The following FBXW10 variants were observed in gnomAD, a reference collection of about 807,000 sequenced individuals.
The protein encoded by FBXW10 is F-box/WD repeat-containing protein 10.
In FBXW10, 68 loss-of-function variants were observed where a neutral mutation model predicts 113.1. That is an observed-to-expected ratio of 0.60 (90% CI 0.49 to 0.74). The LOEUF (loss-of-function observed/expected upper bound fraction) is 0.74, where lower values mean the gene tolerates loss of function less well. FBXW10 is among the 30% of genes least tolerant of loss of function. The pLI is 0.00. For synonymous variants in FBXW10, 289 were observed against 481.6 expected (o/e 0.60, Z 5.24); for missense variants, 753 against 1,284.5 (o/e 0.59, Z 6.32).
intron 13 of FBXW10, among the ~76,000 whole-genome samples, chr17:18,776,021 G>A (rs374450568): frequency 6.0e-4 from 87 of 143,898 alleles, no homozygotes; most frequent in Non-Finnish European, 7.6e-4. Context: ...TTAAAGAAAA[G>A]AAAAAAAAAA....
chr17:18,770,516 C>A (rs1489650174), intron 11 of FBXW10, among the ~76,000 whole-genome samples: 1 of 151,984 alleles, frequency 6.6e-6, no homozygotes, highest in African/African-American at 2.4e-5. Flanking sequence ...CTTGGCCAGG[C>A]TCACCTTGAA....
Position 18,779,159 on chromosome 17 carries a change from G to A in FBXW10, c.3020G>A (p.Arg1007Lys). ...GCCAAGATGAAGGAATATCAGGCCA[G>A]GGAGTCCACTGGAGTGGTTGATCCA... is the stretch of plus-strand genomic sequence containing the variant. ...QEAKMKEYQARESTGVVDPGK... is the reference protein window; with the variant it reads ...QEAKMKEYQAKESTGVVDPGK... The change falls in exon 14 of 14, where the codon AGG (arginine) becomes AAG (lysine). Residue 1007 changes from arginine to lysine, a missense_variant. Arg to Lys is a conservative substitution (Grantham distance 26). Coordinates refer to ENST00000395665, the MANE Select transcript of FBXW10 (RefSeq NM_001267585.2). 1 of 1,337,416 alleles carries A rather than the reference G, an allele frequency of 7.5e-7. No individual in the cohort carries two copies. The highest frequency in any genetic ancestry group is 1.0e-6 in the Non-Finnish European group (1 of 952,476). 82.8% of individuals were successfully genotyped at this position (1,337,416 alleles called of 1,614,324 possible). A position where few individuals can be genotyped will look rare whatever the true frequency, so the allele number is the denominator to read the frequency against.
intron 6 of FBXW10, 104 bp from the exon 7 acceptor site, chr17:18,758,201 T>C: frequency 1.4e-6 from 2 of 1,421,908 alleles, no homozygotes; most frequent in South Asian, 2.9e-5. Flanking sequence ...GGCCCTGGAT[T>C]TTCCTTTACA....
chr17:18,758,577 A>G (rs1397268987), intron 7 of FBXW10, 72 bp downstream of exon 7: 15 of 1,564,016 alleles, frequency 9.6e-6, no homozygotes, highest in Non-Finnish European at 1.3e-5. Context: ...AGAAGTGTGC[A>G]TGCTTCTTCT....
chr17:18,747,090 A>T (rs2035053281), intron 1 of FBXW10, among the ~76,000 whole-genome samples: 1 of 151,886 alleles, frequency 6.6e-6, no homozygotes, highest in East Asian at 1.9e-4. Context: ...ACGCCCGGCT[A>T]ATTTTTTTTG....
chr17:18,770,646 T>C (rs1488941211), intron 11 of FBXW10, among the ~76,000 whole-genome samples: 6 of 152,062 alleles, frequency 3.9e-5, no homozygotes, highest in African/African-American at 1.2e-4. Flanking sequence ...GGAATTGCAG[T>C]GGGTGCAACA....
intron 5 of FBXW10, among the ~76,000 whole-genome samples, chr17:18,752,039 T>C (rs2035180211): frequency 6.6e-6 from 1 of 152,128 alleles, no homozygotes; most frequent in Non-Finnish European, 1.5e-5. Flanking sequence ...AAAGGATAGT[T>C]GATGAGGGAT....
chr17:18,750,804 C>A, intron 4 of FBXW10, 127 bp from the exon 5 acceptor site: 3 of 1,139,208 alleles, frequency 2.6e-6, no homozygotes, highest in African/African-American at 1.6e-5. Flanking sequence ...CTGCCTGCTG[C>A]AGCCAGGGCT....
rs1319013687 is a variant in FBXW10, at chr17:18,753,321, T to C, written c.1122+2268T>C. ...TGAAGCTAAAGCAGACTCGGGGGTATGCCTGCAGCTGCAGAAAGATGTATA... is the reference window on the plus strand; with the variant it reads ...TGAAGCTAAAGCAGACTCGGGGGTACGCCTGCAGCTGCAGAAAGATGTATA... On this transcript the variant is annotated intron_variant, in intron 5 of 13. Transcript: ENST00000395665. Among the ~76,000 whole-genome samples the C allele has an allele frequency of 2.0e-5, 3 of 151,936 alleles. No individual in the cohort carries two copies. The South Asian group carries it at 6.3e-4, about 32-fold the overall frequency.
In FBXW10 at chr17:18,751,034, A is replaced by G. The variant is rs780430044; in HGVS notation, c.1103A>G (p.Lys368Arg). 1 of 1,613,916 alleles carries G rather than the reference A, an allele frequency of 6.2e-7. No homozygotes were observed. The highest frequency in any genetic ancestry group is 8.5e-7 in the Non-Finnish European group (1 of 1,179,982). Residue 368 changes from lysine to arginine, a missense_variant, in exon 5 of 14, where the codon AAG becomes AGG. Physicochemically the swap from Lys to Arg is conservative, Grantham distance 26. Transcript: ENST00000395665. ...DGKSMRVKHPKWKLRTKNEYN... is the reference protein window; with the variant it reads ...DGKSMRVKHPRWKLRTKNEYN... ...AAGAGCATGCGTGTGAAACATCCGA[A>G]GTGGAAGCTGAGAACGAAGGTGGGT...
intron 5 of FBXW10, among the ~76,000 whole-genome samples, chr17:18,755,487 C>T (rs1458562302): frequency 2.0e-5 from 3 of 151,770 alleles, no homozygotes; most frequent in East Asian, 1.9e-4. Context: ...CCCAGGAGGG[C>T]GGAGGTTGCA....
rs138784093 is a variant in FBXW10 at position 18,760,833 on chromosome 17, G to GT, written c.1433+2338dup. 4.4e-3 allele frequency among the ~76,000 whole-genome samples: 657 copies of GT among 149,062 alleles called. 5 individuals are homozygous for GT. The East Asian group carries it at 0.049, about 11-fold the overall frequency. On this transcript the variant is annotated intron_variant, in intron 7 of 13. Transcript: ENST00000395665. ...TGTAATAAAATATCAGTTTATCAGG[G>GT]TTTTTTTTTTCTTCATTTCTGTGAT...
At chr17:18,760,796 T>A (rs1365839033) in intron 7 of FBXW10, among the ~76,000 whole-genome samples, 2 of 147,300 alleles carry the variant, frequency 1.4e-5, no homozygotes, top group Non-Finnish European at 3.1e-5. Context: ...AAAAAAAAAA[T>A]CTCAATATGA....
intron 4 of FBXW10, among the ~76,000 whole-genome samples, chr17:18,750,719 C>A (rs1158338554): frequency 6.6e-6 from 1 of 152,082 alleles, no homozygotes; most frequent in Non-Finnish European, 1.5e-5. Context: ...ACTGGTCCCC[C>A]TGTGGCATTT....
intron 7 of FBXW10, among the ~76,000 whole-genome samples, chr17:18,764,368 A>G (rs2151816126): frequency 6.6e-6 from 1 of 152,016 alleles, no homozygotes; most frequent in East Asian, 1.9e-4. Flanking sequence ...CGCCCAGCTA[A>G]CTTTTGTATT....
chr17:18,775,901 G>A (rs781368408), intron 13 of FBXW10, among the ~76,000 whole-genome samples: 11 of 151,950 alleles, frequency 7.2e-5, no homozygotes, highest in Non-Finnish European at 1.6e-4. Flanking sequence ...ATGGTAGCAC[G>A]CACCTCCTAG....
intron 5 of FBXW10, among the ~76,000 whole-genome samples, chr17:18,755,098 G>A (rs147788281): frequency 2.6e-5 from 4 of 151,060 alleles, no homozygotes; most frequent in African/African-American, 4.9e-5. Context: ...CTCCGTCGCT[G>A]CTAAAAATAC....
intron 13 of FBXW10, among the ~76,000 whole-genome samples, chr17:18,777,122 C>T (rs1275392821): frequency 2.8e-5 from 4 of 144,824 alleles, no homozygotes; most frequent in Admixed American, 7.1e-5. Context: ...AGTGCAGTGG[C>T]GTGATCTCGG....
chr17:18,755,264 A>T (rs1212342193), intron 5 of FBXW10, among the ~76,000 whole-genome samples: 1 of 151,574 alleles, frequency 6.6e-6, no homozygotes, highest in Non-Finnish European at 1.5e-5. Context: ...ACTCCGTCTT[A>T]AAAAAATTGC....
Sources: gnomAD v4.1 joint callset for allele counts (sites outside exome capture counted in the v4.1 genomes callset) on GRCh38, gnomAD v4.1.1 for gene constraint, MANE v1.5 for transcripts, NCBI Gene and HGNC (gene_info 2026-07-23, HGNC 2026-07-21) for gene names.